Variants in MUC4 observed in about 807,000 individuals in gnomAD.
MUC4 encodes mucin-4.
In MUC4, 202 loss-of-function variants were observed where a neutral mutation model predicts 257.9. That is an observed-to-expected ratio of 0.78 (90% confidence interval 0.70 to 0.88). The LOEUF is 0.88. Among genes scored for constraint, MUC4 ranks in the 40% least tolerant of loss-of-function variants. The pLI is 0.00. For synonymous variants in MUC4, 2,351 were observed against 2,757.1 expected, an observed-to-expected ratio of 0.85 and a Z score of 4.62; for missense variants, 5,976 against 6,513.7, an observed-to-expected ratio of 0.92 and a Z score of 2.84.
chr3:195,782,536 G>T lies in MUC4; in HGVS notation c.9044C>A (p.Ser3015Tyr), dbSNP rs761732645. ...HATSLPVTDT[S>Y]SISTGHATPL... The stretch of plus-strand genomic sequence containing the variant: ...GGTGGCGTGACCTGTGGATATTGAG[G>T]AAGTGTCGGTGACAGGAAGAGAGGT... The change falls in exon 2 of 25, where the codon TCC becomes TAC. Residue 3015 changes from serine to tyrosine, a missense_variant. Ser to Tyr is a moderately radical substitution (Grantham distance 144). Coordinates refer to ENST00000463781, the MANE Select transcript of MUC4 (RefSeq NM_018406.7). 1 of 1,478,196 alleles carries T rather than the reference G, an allele frequency of 6.8e-7. No individual in the cohort carries two copies. Among genetic ancestry groups the T allele is most frequent in the South Asian group, 1.2e-5 (1 of 81,238 alleles). 91.6% of individuals were successfully genotyped at this position (1,478,196 alleles called of 1,614,324 possible).
At chr3:195,808,665 G>A (rs1420903763) in intron 1 of MUC4, among the ~76,000 whole-genome samples, 1 of 152,216 alleles carries the variant, frequency 6.6e-6, no homozygotes, top group East Asian at 1.9e-4. Context: ...CAAGGGCGTC[G>A]CTGATGCTGG....
Position 195,789,928 on chromosome 3 carries a change from T to A in MUC4, c.1652A>T (p.His551Leu), listed in dbSNP as rs371478079. ...EPGEPTTYSS[H>L]STTLPKTTGA... ...TGTTGTTTTTGGGAGAGTTGTGCTG[T>A]GGGAGGAGTATGTGGTGGGCTCTCC... The change falls in exon 2 of 25, where the codon CAC becomes CTC. Residue 551 changes from histidine (H) to leucine (L), a missense_variant. Coordinates refer to ENST00000463781, the MANE Select transcript of MUC4 (RefSeq NM_018406.7). The A allele has an allele frequency of 6.8e-6, 11 of 1,613,834 alleles. No homozygotes were observed. Among genetic ancestry groups the A allele is most frequent in the African/African-American group, 1.3e-5 (1 of 74,908 alleles).
chr3:195,775,618 AG>A (rs1724357380), intron 3 of MUC4, among the ~76,000 whole-genome samples: 2 of 68,138 alleles, frequency 2.9e-5, no homozygotes, highest in African/African-American at 8.3e-5. Flanking sequence ...TACCTTCCAC[AG>A]TCATACCTTC....
intron 8 of MUC4, among the ~76,000 whole-genome samples, 192 bp downstream of exon 8, chr3:195,766,471 C>T (rs185627455): frequency 6.6e-6 from 1 of 152,168 alleles, no homozygotes; most frequent in Non-Finnish European, 1.5e-5. Flanking sequence ...TCCAGGGGTG[C>T]AGGAGGTGCC....
intron 3 of MUC4, among the ~76,000 whole-genome samples, chr3:195,775,227 T>G (rs537021232): frequency 6.6e-6 from 1 of 152,168 alleles, no homozygotes; most frequent in East Asian, 1.9e-4. Context: ...AATGCAAAAC[T>G]GAGTCCTCCC....
chr3:195,749,113 A>G, intron 23 of MUC4, 49 bp from the exon 24 acceptor site: 6 of 1,591,604 alleles, frequency 3.8e-6, no homozygotes, highest in Non-Finnish European at 5.1e-6. Flanking sequence ...ATGAACACTA[A>G]ATCAGTACCT....
chr3:195,765,702 T>C (rs1366844365), intron 8 of MUC4, among the ~76,000 whole-genome samples: 2 of 152,200 alleles, frequency 1.3e-5, no homozygotes, highest in Non-Finnish European at 2.9e-5. Context: ...ACGTGGCTGG[T>C]TTCTAAGGCT....
At chr3:195,752,514 G>T (rs527458768) in intron 20 of MUC4, 68 bp from the exon 21 acceptor site, 6 of 1,418,208 alleles carry the variant, frequency 4.2e-6, no homozygotes, top group Non-Finnish European at 5.0e-6. Context: ...AAAGTCTGTC[G>T]GGCCAGCCCA....
Position 195,789,810 on chromosome 3 carries a change from T to C in MUC4, c.1770A>G (p.Ile590Met). ...AAGAAGATGGGGATGTGGCCGTTTT[T>C]ATCATCTGAGTCACACTGTAGCTTG... is the stretch of plus-strand genomic sequence containing the variant. ...SSPSYSVTQM[I>M]KTATSPSSSP... Residue 590 changes from isoleucine to methionine, a missense_variant, in exon 2 of 25, where the codon ATA (isoleucine) becomes ATG (methionine). Physicochemically the swap from Ile to Met is conservative, Grantham distance 10. Transcript: ENST00000463781. The C allele has an allele frequency of 2.5e-6, 4 of 1,614,026 alleles. No individual in the cohort carries two copies. Among genetic ancestry groups the C allele is most frequent in the African/African-American group, 2.7e-5 (2 of 75,054 alleles).
intron 19 of MUC4, chr3:195,753,608 G>C (rs771447531): frequency 9.6e-6 from 3 of 313,430 alleles, no homozygotes; most frequent in Non-Finnish European, 1.7e-5. Flanking sequence ...GGCTCTGAAG[G>C]CACAGTGATC....
chr3:195,767,460 CACT>C lies in MUC4; in HGVS notation c.13530-712_13530-710del, dbSNP rs1465295913. 1.2e-4 allele frequency among the ~76,000 whole-genome samples: 17 copies of C among 141,486 alleles called. No homozygotes were observed. In the East Asian group the frequency reaches 1.3e-3, roughly 11 times the overall value. The allele number at this position is 141,486 out of a possible 152,430, so 92.8% of individuals were successfully genotyped here. On this transcript the variant is annotated intron_variant, in intron 7 of 24. Transcript: ENST00000463781. ...TCACCATCACCACCACCACCACCAA[CACT>C]ACCACCACCATCACCATCACCACCA... is the stretch of plus-strand genomic sequence containing the variant.
At chr3:195,791,584 G>A in intron 1 of MUC4, 87 bp from the exon 2 acceptor site, 1 of 814,272 alleles carries the variant, frequency 1.2e-6, no homozygotes, top group Non-Finnish European at 2.0e-6. Flanking sequence ...AAAATACCTA[G>A]GAATACAGCT....
At chr3:195,797,512 C>A (rs996350269) in intron 1 of MUC4, among the ~76,000 whole-genome samples, 1 of 152,110 alleles carries the variant, frequency 6.6e-6, no homozygotes, top group South Asian at 2.1e-4. Context: ...TAAACAATGT[C>A]AATTATAACC....
intron 3 of MUC4, among the ~76,000 whole-genome samples, chr3:195,776,264 C>T (rs866878372): frequency 6.0e-4 from 32 of 53,296 alleles, no homozygotes; most frequent in African/African-American, 3.3e-3. Flanking sequence ...ACCTTCCACA[C>T]CCATACCTTC....
At chr3:195,754,573 C>T (rs2641722) in intron 18 of MUC4, among the ~76,000 whole-genome samples, 106,497 of 152,194 alleles carry the variant, frequency 0.7, 38,926 homozygotes, top group Non-Finnish European at 0.81. Flanking sequence ...TCCTGCCCAG[C>T]TGGCCTCCCT....
chr3:195,811,809 C>T lies in MUC4; in HGVS notation c.9G>A (p.Gly3=). ...CCCAGGGGACCCTCCTCCAGCGTGC[C>T]CCCTTCATGGCTGCGGCAAAAGTCC... MK[G]ARWRRVPWVS... Residue 3 remains glycine, a synonymous_variant, in exon 1 of 25, where the codon GGG becomes GGA. Transcript: ENST00000463781. 6.2e-7 allele frequency: 1 copy of T among 1,613,850 alleles called. No individual in the cohort carries two copies.
chr3:195,786,396 AGGCGTGGTGT>A lies in MUC4; in HGVS notation c.5174_5183del (p.Asp1725ValfsTer1276). The stretch of plus-strand genomic sequence containing the variant: ...CTGAGGAAGGGCTAGTGACAGGAAG[AGGCGTGGTGT>A]CACCTGTGGATACTGAGGAAAGGCT... On this transcript the variant is annotated frameshift_variant, in exon 2 of 25. Transcript: ENST00000463781. LOFTEE classifies it high-confidence loss of function. 2 of 1,530,790 alleles carry A rather than the reference AGGCGTGGTGT, an allele frequency of 1.3e-6. No homozygotes were observed. Among genetic ancestry groups the A allele is most frequent in the Non-Finnish European group, 1.8e-6 (2 of 1,135,554 alleles). The allele number at this position is 1,530,790 out of a possible 1,614,324, so 94.8% of individuals were successfully genotyped here.
At chr3:195,806,709 C>T (rs1736030419) in intron 1 of MUC4, among the ~76,000 whole-genome samples, 1 of 152,216 alleles carries the variant, frequency 6.6e-6, no homozygotes, top group South Asian at 2.1e-4. Flanking sequence ...TGCCGAAAGG[C>T]TGTGTGCTGC....
intron 24 of MUC4, among the ~76,000 whole-genome samples, chr3:195,748,068 C>A (rs1450810379): frequency 6.6e-6 from 1 of 152,176 alleles, no homozygotes; most frequent in African/African-American, 2.4e-5. Flanking sequence ...GGAACTGCAG[C>A]TGGCGGAGGG....
Sources: allele counts gnomAD v4.1 joint callset (sites outside exome capture counted in the v4.1 genomes callset), GRCh38; gene constraint gnomAD v4.1.1; transcripts MANE v1.5; gene names NCBI Gene and HGNC (gene_info 2026-07-23, HGNC 2026-07-21).